Variants in NLRP8 observed in about 807,000 individuals in gnomAD.
The protein encoded by NLRP8 is NACHT, LRR and PYD domains-containing protein 8.
Under a neutral mutation model 88.7 loss-of-function variants are expected in NLRP8, and 86 were observed. The ratio of observed to expected loss-of-function variants is 0.97; its 90% CI spans 0.81 to 1.16. The LOEUF is 1.16. Ranked by LOEUF, NLRP8 falls within the 50% of genes most tolerant of loss-of-function variation. The probability of loss-of-function intolerance (pLI) is 0.00; values close to 1 mark genes in which losing one functional copy is unlikely to be tolerated. For missense variants in NLRP8, 1,342 were observed against 1,286.5 expected (o/e 1.04, Z -0.66); for synonymous variants, 504 against 494.6 (o/e 1.02, Z -0.25).
rs151251444 is a variant in NLRP8 at position 55,987,869 on chromosome 19, G to A, written c.3103G>A (p.Asp1035Asn). The A allele has an allele frequency of 3.4e-5, 55 of 1,613,830 alleles. No individual in the cohort carries two copies. Among genetic ancestry groups the A allele is most frequent in the Non-Finnish European group, 4.2e-5 (50 of 1,179,952 alleles). Residue 1035 changes from aspartate to asparagine, a missense_variant, in exon 10 of 10, where the codon GAC becomes AAC. By Grantham distance (23) the Asp-to-Asn change is conservative. Coordinates refer to ENST00000291971, the MANE Select transcript of NLRP8 (RefSeq NM_176811.2). ...CTTCTCCCCAACTCCTCACCCACCC[G>A]ACTTCACGGGAAAAAGTGACTGCCT...
rs776941980 is a variant in NLRP8 at position 55,955,203 on chromosome 19, T to C, written c.1145T>C (p.Phe382Ser). The change falls in exon 3 of 10, where the codon TTC (phenylalanine) becomes TCC (serine). Residue 382 changes from phenylalanine (F) to serine (S), a missense_variant. By Grantham distance (155) the Phe-to-Ser change is radical (BLOSUM62 -2). Transcript: ENST00000291971. ...GAGGAGGGAGACCAAGTCTTGAGTT[T>C]CGCCATGGAAAACACCATTCTCTTC... 6.2e-7 allele frequency: 1 copy of C among 1,614,186 alleles called. No individual in the cohort carries two copies. The highest frequency in any genetic ancestry group is 8.5e-7 in the Non-Finnish European group (1 of 1,180,016).
In NLRP8 at chr19:55,970,608, G is replaced by A. The variant is rs765429558; in HGVS notation, c.2446G>A (p.Gly816Arg). The A allele has an allele frequency of 4.4e-5, 71 of 1,613,916 alleles. No homozygotes were observed. The highest frequency in any genetic ancestry group is 5.4e-5 in the Non-Finnish European group (64 of 1,180,030). Reference sequence around the variant, plus strand: ...TCTTGGCAATAATCTTCAAGGTAACGGGCATCTAAAGACTCTCATACTAAG... The same window carrying A: ...TCTTGGCAATAATCTTCAAGGTAACAGGCATCTAAAGACTCTCATACTAAG... The change falls in exon 6 of 10, where the codon GGG becomes AGG. Residue 816 changes from glycine (G) to arginine (R), a missense_variant. Physicochemically the swap from Gly to Arg is moderately radical, Grantham distance 125. Coordinates refer to ENST00000291971, the MANE Select transcript of NLRP8 (RefSeq NM_176811.2).
chr19:55,958,792 G>C (rs427125), intron 3 of NLRP8, among the ~76,000 whole-genome samples: 109,309 of 152,128 alleles, frequency 0.72, 39,769 homozygotes, highest in East Asian at 0.85. Flanking sequence ...CTCAAGAAAT[G>C]CTCTCGCCTC....
chr19:55,970,799 TA>T, intron 6 of NLRP8, 103 bp downstream of exon 6: 1 of 1,438,704 alleles, frequency 7.0e-7, no homozygotes, highest in East Asian at 2.3e-5. Flanking sequence ...AAGGTACATG[TA>T]TAGGAGCAAA....
rs1052243714 is a variant in NLRP8 at position 55,966,319 on chromosome 19, A to G, written c.2320A>G (p.Lys774Glu). Reference sequence around the variant, plus strand: ...AATACAACATGTGGAAGTGGAGTCCAAAGCTGTGAAGCTTCTATGCAGGGT... The same window carrying G: ...AATACAACATGTGGAAGTGGAGTCCGAAGCTGTGAAGCTTCTATGCAGGGT... Residue 774 changes from lysine to glutamate, a missense_variant, in exon 5 of 10, where the codon AAA becomes GAA. Lys to Glu is a moderately conservative substitution (Grantham distance 56). Transcript: ENST00000291971. The G allele has an allele frequency of 1.9e-6, 3 of 1,614,114 alleles. No homozygotes were observed. The highest frequency in any genetic ancestry group is 2.5e-6 in the Non-Finnish European group (3 of 1,179,980).
intron 9 of NLRP8, among the ~76,000 whole-genome samples, chr19:55,980,463 G>A (rs781692798): frequency 2.0e-5 from 3 of 152,174 alleles, no homozygotes; most frequent in South Asian, 2.1e-4. Flanking sequence ...TCAGAAATAC[G>A]ACAGCGATGT....
At position 55,987,868 on chromosome 19, in the gene NLRP8, C is replaced by T. The variant is rs142444217; in HGVS notation, c.3102C>T (p.Pro1034=). The T allele has an allele frequency of 9.1e-5, 147 of 1,613,980 alleles. No individual in the cohort carries two copies. Among genetic ancestry groups the T allele is most frequent in the Non-Finnish European group, 1.1e-4 (128 of 1,179,998 alleles). ...GCTTCTCCCCAACTCCTCACCCACC[C>T]GACTTCACGGGAAAAAGTGACTGCC... The change falls in exon 10 of 10, where the codon CCC becomes CCT. Residue 1034 remains proline, a synonymous_variant. Transcript: ENST00000291971.
chr19:55,953,502 CTTTA>C (rs145012085), intron 2 of NLRP8, among the ~76,000 whole-genome samples: 32,646 of 149,008 alleles, frequency 0.22, 3,529 homozygotes, highest in African/African-American at 0.25. Flanking sequence ...TTCTTTCTTT[CTTTA>C]TTTTTTTTGA....
intron 1 of NLRP8, among the ~76,000 whole-genome samples, chr19:55,950,807 C>T (rs150840643): frequency 0.013 from 2,000 of 152,328 alleles, 13 homozygotes; most frequent in Middle Eastern, 0.031. Context: ...GGGCCAGGCG[C>T]AGTGGCTCAC....
intron 8 of NLRP8, 85 bp downstream of exon 8, chr19:55,976,388 C>T: frequency 8.5e-7 from 1 of 1,181,896 alleles, no homozygotes; most frequent in Non-Finnish European, 1.1e-6. Flanking sequence ...CAGGAAAGGG[C>T]TGTCTTTTTA....
chr19:55,963,253 A>T (rs968012980), intron 4 of NLRP8, among the ~76,000 whole-genome samples: 1 of 152,178 alleles, frequency 6.6e-6, no homozygotes. Context: ...ACCTCAAGTG[A>T]TCTGCCCTCC....
rs148133682 is a variant in NLRP8, at chr19:55,948,254, C to A, written c.352C>A (p.Arg118Ser). The change falls in exon 1 of 10, where the codon CGC becomes AGC. Residue 118 changes from arginine to serine, a missense_variant. Physicochemically the swap from Arg to Ser is moderately radical, Grantham distance 110. Transcript: ENST00000291971. Reference sequence around the variant, plus strand: ...CTGTGATAAAATGTGTGTTGTAGTCCGCAGAGAGATAAATGGTGAGTGTTG... The same window carrying A: ...CTGTGATAAAATGTGTGTTGTAGTCAGCAGAGAGATAAATGGTGAGTGTTG... 1 of 1,612,380 alleles carries A rather than the reference C, an allele frequency of 6.2e-7. No homozygotes were observed. Among genetic ancestry groups the A allele is most frequent in the South Asian group, 1.1e-5 (1 of 91,000 alleles).
chr19:55,969,008 C>T (rs892499775), intron 5 of NLRP8, among the ~76,000 whole-genome samples: 2 of 152,126 alleles, frequency 1.3e-5, no homozygotes, highest in African/African-American at 4.8e-5. Context: ...ATTTACCCAA[C>T]AGGCACTGGC....
chr19:55,960,511 A>G (rs7247096), intron 3 of NLRP8, among the ~76,000 whole-genome samples: 20,326 of 152,144 alleles, frequency 0.13, 2,236 homozygotes, highest in African/African-American at 0.3. Context: ...GAATCTAAGC[A>G]CAGTGAATCA....
intron 2 of NLRP8, 80 bp downstream of exon 2, chr19:55,952,692 C>G (rs306501): frequency 0.63 from 682,097 of 1,090,238 alleles, 218,430 homozygotes; most frequent in East Asian, 0.81. Flanking sequence ...CTAAGGCAAG[C>G]CAGATTTTAA....
intron 7 of NLRP8, among the ~76,000 whole-genome samples, chr19:55,975,439 A>C (rs1980267731): frequency 6.6e-6 from 1 of 152,152 alleles, no homozygotes; most frequent in South Asian, 2.1e-4. Context: ...GTATCCACAA[A>C]AGAAATAAAA....
chr19:55,958,471 G>C (rs1979470840), intron 3 of NLRP8, among the ~76,000 whole-genome samples: 4 of 152,170 alleles, frequency 2.6e-5, no homozygotes, highest in Non-Finnish European at 5.9e-5. Flanking sequence ...AGTTTCTCCA[G>C]GGCAGAGGTA....
At chr19:55,949,550 T>A (rs1979000654) in intron 1 of NLRP8, among the ~76,000 whole-genome samples, 1 of 152,122 alleles carries the variant, frequency 6.6e-6, no homozygotes, top group Admixed American at 6.6e-5. Flanking sequence ...GATATGTATT[T>A]AAAAAAATCA....
intron 3 of NLRP8, among the ~76,000 whole-genome samples, chr19:55,957,724 TAA>T (rs1979442533): frequency 3.1e-5 from 3 of 96,394 alleles, no homozygotes; most frequent in Admixed American, 1.1e-4. Flanking sequence ...TATATATATA[TAA>T]AATAAGGTTG....
Sources: gnomAD v4.1 joint callset for allele counts (sites outside exome capture counted in the v4.1 genomes callset) on GRCh38, gnomAD v4.1.1 for gene constraint, MANE v1.5 for transcripts, NCBI Gene and HGNC (gene_info 2026-07-23, HGNC 2026-07-21) for gene names.